Variants in ABCB1 observed in about 807,000 individuals in gnomAD.
The protein encoded by ABCB1 is ATP binding cassette subfamily B member 1.
A neutral mutation model predicts 142.0 loss-of-function variants in ABCB1; 69 were observed. The observed-to-expected ratio is 0.49, with a 90% CI of 0.40 to 0.59. ABCB1 has a LOEUF of 0.59. Ranked by LOEUF, ABCB1 falls within the 20% of genes least tolerant of loss-of-function variation. The pLI is 0.00. For missense variants in ABCB1, 1,326 were observed against 1,554.7 expected, an observed-to-expected ratio of 0.85 and a Z score of 2.47; for synonymous variants, 532 against 539.2, an observed-to-expected ratio of 0.99 and a Z score of 0.18.
intron 25 of ABCB1, among the ~76,000 whole-genome samples, chr7:87,510,300 G>A (rs1457528958): frequency 6.6e-6 from 1 of 152,216 alleles, no homozygotes; most frequent in Non-Finnish European, 1.5e-5. Context: ...TTGCAGGTCA[G>A]GAACTACAGG....
At chr7:87,627,260 T>TACTTA (rs2130143616) in intron 1 of ABCB1, among the ~76,000 whole-genome samples, 1 of 152,304 alleles carries the variant, frequency 6.6e-6, no homozygotes, top group African/African-American at 2.4e-5. Context: ...ATGCCCTGCA[T>TACTTA]TAACAGGGAT....
intron 1 of ABCB1, among the ~76,000 whole-genome samples, chr7:87,656,068 T>G (rs746839570): frequency 1.3e-5 from 2 of 152,080 alleles, no homozygotes. Flanking sequence ...TCTAGAACTA[T>G]GAGAAATAAA....
intron 1 of ABCB1, among the ~76,000 whole-genome samples, chr7:87,702,360 G>C (rs1829167370): frequency 6.6e-6 from 1 of 151,704 alleles, no homozygotes; most frequent in African/African-American, 2.4e-5. Flanking sequence ...CCCACTGCAG[G>C]CTAGAACCCC....
At chr7:87,560,262 T>A (rs898259370) in intron 8 of ABCB1, among the ~76,000 whole-genome samples, 3 of 152,228 alleles carry the variant, frequency 2.0e-5, no homozygotes, top group African/African-American at 4.8e-5. Flanking sequence ...AACATAGATA[T>A]TGCTTTCCTT....
At chr7:87,536,565 T>C in intron 19 of ABCB1, 24 bp from the exon 20 acceptor site, 1 of 1,612,130 alleles carries the variant, frequency 6.2e-7, no homozygotes, top group South Asian at 1.1e-5. Context: ...AATGATTTTA[T>C]TACCTTAAAG....
At position 87,626,379 on chromosome 7, in the gene ABCB1, A is replaced by G. The variant is rs192902236; in HGVS notation, c.-330-25301T>C. 3.7e-4 allele frequency among the ~76,000 whole-genome samples: 10 copies of G among 27,222 alleles called. 4 individuals are homozygous for G. Among genetic ancestry groups the G allele is most frequent in the African/African-American group, 1.4e-3 (3 of 2,084 alleles). 17.9% of individuals were successfully genotyped at this position (27,222 alleles called of 152,430 possible). ...TGTGTCATATATATGTGTCATATGT[A>G]TGTGTCATATATATGTGTCATATGT... On this transcript the variant is annotated intron_variant, in intron 1 of 28. Coordinates refer to the ABCB1 transcript ENST00000265724.
At chr7:87,605,260 A>G (rs1685800057), upstream of ABCB1, among the ~76,000 whole-genome samples, 1 of 152,156 alleles carries the variant, frequency 6.6e-6, no homozygotes, top group Non-Finnish European at 1.5e-5. Flanking sequence ...CAGCCTCCTG[A>G]GTAGCTGGGA....
intron 1 of ABCB1, among the ~76,000 whole-genome samples, chr7:87,625,986 ATG>A (rs1329512870): frequency 6.9e-6 from 1 of 145,380 alleles, no homozygotes; most frequent in Non-Finnish European, 1.5e-5. Flanking sequence ...ATATATATAT[ATG>A]TACATATATA....
At chr7:87,640,057 A>G (rs571516247) in intron 1 of ABCB1, among the ~76,000 whole-genome samples, 1 of 150,378 alleles carries the variant, frequency 6.6e-6, no homozygotes, top group Non-Finnish European at 1.5e-5. Context: ...ATATATGTTT[A>G]TATATATTTC....
At chr7:87,686,686 T>C (rs1465989246) in intron 1 of ABCB1, among the ~76,000 whole-genome samples, 1 of 150,496 alleles carries the variant, frequency 6.6e-6, no homozygotes, top group Non-Finnish European at 1.5e-5. Context: ...ATGCCTGTAA[T>C]CCCAGCACTT....
intron 22 of ABCB1, among the ~76,000 whole-genome samples, 170 bp downstream of exon 22, chr7:87,520,606 C>T (rs2235067): frequency 0.12 from 18,964 of 152,196 alleles, 1,249 homozygotes; most frequent in African/African-American, 0.16. Context: ...TGCCTTAGTT[C>T]AGGGTCTTGT....
At chr7:87,523,402 T>A (rs892587621) in intron 21 of ABCB1, among the ~76,000 whole-genome samples, 1 of 152,002 alleles carries the variant, frequency 6.6e-6, no homozygotes, top group Admixed American at 6.6e-5. Context: ...TGGAGGCAGG[T>A]GGATCATTTG....
In ABCB1 at chr7:87,504,134, G is replaced by A; in HGVS notation, c.*109C>T. 7.0e-7 allele frequency: 1 copy of A among 1,421,684 alleles called. No individual in the cohort carries two copies. The highest frequency in any genetic ancestry group is 9.7e-7 in the Non-Finnish European group (1 of 1,030,600). 88.1% of individuals were successfully genotyped at this position (1,421,684 alleles called of 1,614,324 possible). On this transcript the variant is annotated 3_prime_UTR_variant, in exon 28 of 28. Coordinates refer to ENST00000622132, the MANE Select transcript of ABCB1 (RefSeq NM_001348946.2). Reference sequence around the variant, plus strand: ...AGACTCTGAACTTGACTGAGGAAATGTTAAACAGATACCTCTTCATAATTC... The same window carrying A: ...AGACTCTGAACTTGACTGAGGAAATATTAAACAGATACCTCTTCATAATTC...
chr7:87,506,868 C>A (rs1378787454), intron 26 of ABCB1, among the ~76,000 whole-genome samples: 1 of 152,120 alleles, frequency 6.6e-6, no homozygotes. Flanking sequence ...CCTGGGTTTC[C>A]CCCTGTAAAT....
chr7:87,606,320 A>T (rs550059297), intron 1 of ABCB1, among the ~76,000 whole-genome samples: 1 of 152,286 alleles, frequency 6.6e-6, no homozygotes, highest in South Asian at 2.1e-4. Context: ...AGTTAAATAA[A>T]CAAGTAGGAG....
At chr7:87,524,684 A>G (rs1232202915) in intron 21 of ABCB1, among the ~76,000 whole-genome samples, 1 of 152,118 alleles carries the variant, frequency 6.6e-6, no homozygotes, top group Non-Finnish European at 1.5e-5. Context: ...ATGTATACAT[A>G]TGTAACTAAC....
chr7:87,568,729 T>A (rs1584888816), intron 5 of ABCB1, among the ~76,000 whole-genome samples: 2 of 152,304 alleles, frequency 1.3e-5, no homozygotes, highest in East Asian at 3.9e-4. Flanking sequence ...ATTAGAACAC[T>A]AAGTTTTAGT....
intron 1 of ABCB1, among the ~76,000 whole-genome samples, chr7:87,679,807 A>G (rs754042484): frequency 6.6e-6 from 1 of 150,724 alleles, no homozygotes; most frequent in Non-Finnish European, 1.5e-5. Context: ...AAGAAACCTT[A>G]GCAAATTTAA....
intron 1 of ABCB1, among the ~76,000 whole-genome samples, chr7:87,660,372 A>G (rs1189331647): frequency 6.6e-6 from 1 of 151,806 alleles, no homozygotes; most frequent in Non-Finnish European, 1.5e-5. Flanking sequence ...TATCCCATAT[A>G]CTCTCAATTT....
Sources: gnomAD v4.1 joint callset for allele counts (sites outside exome capture counted in the v4.1 genomes callset) on GRCh38, gnomAD v4.1.1 for gene constraint, MANE v1.5 for transcripts, NCBI Gene and HGNC (gene_info 2026-07-23, HGNC 2026-07-21) for gene names.